BANP: variants seen among roughly 807,000 people sequenced by gnomAD.
BANP encodes the protein protein BANP.
A neutral mutation model predicts 68.1 loss-of-function variants in BANP; 11 were observed. The ratio of observed to expected loss-of-function variants is 0.16; its 90% CI spans 0.10 to 0.27. BANP has a LOEUF of 0.27. Among genes scored for constraint, BANP ranks in the 10% least tolerant of loss-of-function variants. BANP has a pLI of 1.00. For synonymous variants in BANP, 329 were observed against 303.2 expected (o/e 1.09, Z -0.88); for missense variants, 504 against 722.7 (o/e 0.70, Z 3.47).
At chr16:88,053,529 A>AACCACCTTAACAAACACT (rs1375522095) in intron 11 of BANP, among the ~76,000 whole-genome samples, 1 of 103,644 alleles carries the variant, frequency 9.6e-6, no homozygotes, top group East Asian at 3.0e-4. Flanking sequence ...GCACAACCAC[A>AACCACCTTAACAAACACT]ACCACCTTAA....
intron 11 of BANP, among the ~76,000 whole-genome samples, chr16:88,054,544 C>A (rs778066405): frequency 6.6e-6 from 1 of 152,196 alleles, no homozygotes; most frequent in Non-Finnish European, 1.5e-5. Context: ...GTTGCCCTTA[C>A]CTCCGCCACC....
At position 88,071,550 on chromosome 16, in the gene BANP, C is replaced by T. The variant is rs775014597; in HGVS notation, c.1378-519C>T. 2.2e-6 allele frequency: 1 copy of T among 456,846 alleles called. No individual in the cohort carries two copies. The highest frequency in any genetic ancestry group is 1.5e-5 in the South Asian group (1 of 64,570). The allele number at this position is 456,846 out of a possible 1,614,324, so 28.3% of individuals were successfully genotyped here. On this transcript the variant is annotated intron_variant, in intron 12 of 13. Coordinates refer to ENST00000682872, the MANE Select transcript of BANP (RefSeq NM_001386991.1). This position sits in a 1 kb window ranked among gnomAD's most constrained non-coding sequence, Gnocchi z 6.5. ...CTGGGCCTCACTTTCCTGCGAGCTT[C>T]TGCTGGGTTCTCAGTGCCCACCAGC...
At chr16:87,985,852 A>G (rs1325698867) in intron 4 of BANP, among the ~76,000 whole-genome samples, 1 of 152,262 alleles carries the variant, frequency 6.6e-6, no homozygotes, top group Admixed American at 6.5e-5. Context: ...AAAGCAAAGT[A>G]TAATTTTTTC....
intron 13 of BANP, among the ~76,000 whole-genome samples, chr16:88,076,291 G>C (rs562556784): frequency 7.9e-5 from 12 of 152,292 alleles, no homozygotes; most frequent in South Asian, 2.1e-4. Context: ...CAGCGGGTTG[G>C]GGGTGGAGAG....
chr16:88,066,645 A>G (rs1414064442), intron 12 of BANP, among the ~76,000 whole-genome samples: 1 of 152,258 alleles, frequency 6.6e-6, no homozygotes, highest in Non-Finnish European at 1.5e-5. Flanking sequence ...AGAAATGAGA[A>G]AATCCTAACC....
At chr16:87,974,393 G>A (rs1444386890) in intron 1 of BANP, among the ~76,000 whole-genome samples, 1 of 152,222 alleles carries the variant, frequency 6.6e-6, no homozygotes, top group Non-Finnish European at 1.5e-5. Context: ...GGACAGCACA[G>A]TTGTGGACAG....
chr16:88,072,748 G>C (rs974468948), intron 13 of BANP, among the ~76,000 whole-genome samples: 1 of 152,258 alleles, frequency 6.6e-6, no homozygotes, highest in Non-Finnish European at 1.5e-5. Flanking sequence ...CTCCAGCGTG[G>C]CCGAGGCCCA....
At chr16:88,041,731 G>A (rs992900925) in intron 11 of BANP, among the ~76,000 whole-genome samples, 1 of 152,248 alleles carries the variant, frequency 6.6e-6, no homozygotes, top group Non-Finnish European at 1.5e-5. Context: ...CTTACATCTG[G>A]TGCTGGGTTG....
In BANP at chr16:88,018,562, C is replaced by G. The variant is rs2075120157; in HGVS notation, c.790C>G (p.Leu264Val). ...RTAEKMALTLLDYLFHREVQA... is the reference protein window; with the variant it reads ...RTAEKMALTLVDYLFHREVQA... ...GGCCGAGAAGATGGCGCTCACGCTG[C>G]TGGACTACCTCTTCCACCGCGAGGT... is the stretch of plus-strand genomic sequence containing the variant. The change falls in exon 7 of 14, where the codon CTG becomes GTG. Residue 264 changes from leucine to valine, a missense_variant. Leu to Val is a conservative substitution (Grantham distance 32). Coordinates refer to ENST00000682872, the MANE Select transcript of BANP (RefSeq NM_001386991.1). The surrounding 1 kb of genome is among the most constrained non-coding windows in gnomAD (Gnocchi z 7.7). 1 of 1,612,296 alleles carries G rather than the reference C, an allele frequency of 6.2e-7. No individual in the cohort carries two copies. Among genetic ancestry groups the G allele is most frequent in the Non-Finnish European group, 8.5e-7 (1 of 1,179,438 alleles).
intron 4 of BANP, among the ~76,000 whole-genome samples, chr16:87,992,240 T>G (rs1290694441): frequency 6.6e-6 from 1 of 152,254 alleles, no homozygotes; most frequent in East Asian, 1.9e-4. Flanking sequence ...GTGCTTTTGC[T>G]ATACTGATCA....
chr16:87,987,318 A>G (rs1224830338), intron 4 of BANP, among the ~76,000 whole-genome samples: 1 of 152,206 alleles, frequency 6.6e-6, no homozygotes, highest in Non-Finnish European at 1.5e-5. Context: ...ACCTTAGGTG[A>G]TCTGCCTGCC....
intron 2 of BANP, among the ~76,000 whole-genome samples, chr16:87,976,704 G>C (rs561725143): frequency 6.6e-6 from 1 of 152,242 alleles, no homozygotes; most frequent in East Asian, 1.9e-4. Context: ...TGTTAGTCGA[G>C]AAAACTACCT....
At chr16:87,966,843 G>C (rs1164021427) in intron 1 of BANP, 1 of 152,418 alleles carries the variant, frequency 6.6e-6, no homozygotes, top group Non-Finnish European at 1.5e-5. Flanking sequence ...TTTTGAACCA[G>C]GTAGTTGTTT....
chr16:88,059,835 C>T (rs144135178), intron 11 of BANP, among the ~76,000 whole-genome samples: 3 of 152,318 alleles, frequency 2.0e-5, no homozygotes, highest in South Asian at 2.1e-4. Context: ...ATGGACATCC[C>T]GCTGAGTGCG....
Position 87,998,818 on chromosome 16 carries a change from G to A in BANP, c.363-5477G>A, listed in dbSNP as rs1311534796. On this transcript the variant is annotated intron_variant, in intron 4 of 13. Transcript: ENST00000682872. ...TGTACTTACCTGTCCTTCCAGACAC[G>A]TCTCCGTGCCCGCACGTGCGCGGCT... 2.5e-4 allele frequency among the ~76,000 whole-genome samples: 33 copies of A among 132,252 alleles called. 1 individual carries two copies. The highest frequency in any genetic ancestry group is 4.5e-4 in the Admixed American group (6 of 13,442). 86.8% of individuals were successfully genotyped at this position (132,252 alleles called of 152,430 possible).
rs112793236 is a variant in BANP at position 88,067,462 on chromosome 16, G to C, written c.1377+2130G>C. Among the ~76,000 whole-genome samples the C allele has an allele frequency of 3.0e-4, 46 of 152,222 alleles. 1 individual carries two copies. Among genetic ancestry groups the C allele is most frequent in the African/African-American group, 1.1e-3 (45 of 41,520 alleles). ...CTGCTGCGTGCCCCCGCCCTGAGAC[G>C]GGACCCAGGGGCTTGTCCTGAGGGG... On this transcript the variant is annotated intron_variant, in intron 12 of 13. Coordinates refer to ENST00000682872, the MANE Select transcript of BANP (RefSeq NM_001386991.1).
At chr16:87,968,822 C>A (rs892888850) in intron 1 of BANP, among the ~76,000 whole-genome samples, 8 of 152,138 alleles carry the variant, frequency 5.3e-5, no homozygotes, top group Admixed American at 2.6e-4. Flanking sequence ...ACCCTCCCCC[C>A]ACAGCTTAGA....
chr16:88,013,359 C>T (rs2073702015), intron 6 of BANP, among the ~76,000 whole-genome samples: 1 of 152,252 alleles, frequency 6.6e-6, no homozygotes, highest in African/African-American at 2.4e-5. Flanking sequence ...GGCCCTCCCT[C>T]AGTGCAGTGT....
rs890680990 is a variant in BANP, at chr16:88,071,175, C to T, written c.1378-894C>T. ...AGGGCCACCGGTGAGACTCTCAGTG[C>T]ACAGAGTGCGGTTCTGTGTGGAGGT... On this transcript the variant is annotated intron_variant, in intron 12 of 13. Coordinates refer to ENST00000682872, the MANE Select transcript of BANP (RefSeq NM_001386991.1). The surrounding 1 kb of genome is among the most constrained non-coding windows in gnomAD (Gnocchi z 6.5). The T allele has an allele frequency of 1.9e-5, 6 of 316,856 alleles. No homozygotes were observed. The highest frequency in any genetic ancestry group is 9.5e-5 in the Admixed American group (2 of 21,118). The allele number at this position is 316,856 out of a possible 1,614,324, so 19.6% of individuals were successfully genotyped here.
Sources: gnomAD v4.1 joint callset for allele counts (sites outside exome capture counted in the v4.1 genomes callset) on GRCh38, gnomAD v4.1.1 for gene constraint, Gnocchi (gnomAD v3.1) non-coding constraint, MANE v1.5 for transcripts, NCBI Gene and HGNC (gene_info 2026-07-23, HGNC 2026-07-21) for gene names.